Variants in EIF4G3 observed in about 807,000 individuals in gnomAD.
EIF4G3 encodes eIF-4-gamma 3.
Under a neutral mutation model 186.4 loss-of-function variants are expected in EIF4G3, and 34 were observed. The ratio of observed to expected loss-of-function variants is 0.18; its 90% CI spans 0.14 to 0.24. The LOEUF (loss-of-function observed/expected upper bound fraction) is 0.24, where lower values mean the gene tolerates loss of function less well. EIF4G3 is among the 10% of genes least tolerant of loss of function. The pLI, the probability that EIF4G3 is intolerant of heterozygous loss-of-function variation, is 1.00. For synonymous variants in EIF4G3, 673 were observed against 679.5 expected (o/e 0.99, Z 0.15); for missense variants, 1,536 against 1,948.5 (o/e 0.79, Z 3.99).
intron 2 of EIF4G3, chr1:21,174,756 G>T (rs2098067648): frequency 6.6e-6 from 1 of 152,038 alleles, no homozygotes; most frequent in Non-Finnish European, 1.5e-5. Flanking sequence ...CTTTCTCATC[G>T]GTGAACAATT....
intron 3 of EIF4G3, among the ~76,000 whole-genome samples, chr1:21,083,394 T>C (rs1000676898): frequency 6.6e-6 from 1 of 152,002 alleles, no homozygotes; most frequent in African/African-American, 2.4e-5. Context: ...CCCAGGCTGG[T>C]CTCAAGTTCC....
intron 4 of EIF4G3, among the ~76,000 whole-genome samples, chr1:21,022,094 A>C (rs767431690): frequency 3.3e-5 from 5 of 152,212 alleles, no homozygotes; most frequent in East Asian, 1.9e-4. Context: ...CCGAAAATGC[A>C]TATCTGTCCA....
At chr1:20,860,626 G>A (rs2076117593) in intron 23 of EIF4G3, 109 bp from the exon 24 acceptor site, 2 of 1,218,838 alleles carry the variant, frequency 1.6e-6, no homozygotes, top group South Asian at 3.0e-5. Flanking sequence ...TACAAAAGCT[G>A]TATTATGGCA....
At chr1:20,907,497 C>T (rs1029162936) in intron 14 of EIF4G3, among the ~76,000 whole-genome samples, 27 of 151,466 alleles carry the variant, frequency 1.8e-4, no homozygotes, top group African/African-American at 6.6e-4. Flanking sequence ...CCCATTAACT[C>T]GTCATTTAGC....
intron 14 of EIF4G3, among the ~76,000 whole-genome samples, chr1:20,908,415 C>A (rs1047807739): frequency 2.6e-5 from 4 of 152,032 alleles, no homozygotes; most frequent in African/African-American, 9.7e-5. Context: ...AATCATTGGG[C>A]TTTAGGGAGA....
In EIF4G3 at chr1:21,002,725, T is replaced by C. The variant is rs2083869665; in HGVS notation, c.18A>G (p.Gln6=). The stretch of plus-strand genomic sequence containing the variant: ...TCTGCTTACTTACCGGAGAACGGGT[T>C]TGAGGTTGTGAATTCATTGTCTGAG... MNSQP[Q]TRSPPSRTVP... Residue 6 remains glutamine, a synonymous_variant, in exon 5 of 37, where the codon CAA becomes CAG. Transcript: ENST00000602326. The C allele has an allele frequency of 6.2e-6, 10 of 1,613,568 alleles. No homozygotes were observed. The highest frequency in any genetic ancestry group is 2.2e-5 in the East Asian group (1 of 44,840).
Position 21,089,203 on chromosome 1 carries a change from C to T in EIF4G3, c.-261G>A, listed in dbSNP as rs768975773. The T allele has an allele frequency of 8.4e-6, 6 of 717,334 alleles. No homozygotes were observed. Among genetic ancestry groups the T allele is most frequent in the South Asian group, 7.4e-5 (5 of 67,592 alleles). The allele number at this position is 717,334 out of a possible 1,614,324, so 44.4% of individuals were successfully genotyped here. A position where few individuals can be genotyped will look rare whatever the true frequency, so the allele number is the denominator to read the frequency against. On this transcript the variant is annotated 5_prime_UTR_variant, in exon 3 of 37. Transcript: ENST00000602326. The stretch of plus-strand genomic sequence containing the variant: ...TCCTCAAGAGGTTGTTGCACAGGTC[C>T]TCTAGGAATTCTAGAAGAGCGAGTT...
At chr1:20,876,585 TCA>T (rs1242787481) in intron 20 of EIF4G3, among the ~76,000 whole-genome samples, 1 of 152,106 alleles carries the variant, frequency 6.6e-6, no homozygotes, top group East Asian at 1.9e-4. Context: ...TCAAAACCAT[TCA>T]CAGTGACCAT....
At chr1:21,050,564 CA>C (rs1206753228) in intron 4 of EIF4G3, among the ~76,000 whole-genome samples, 1 of 152,188 alleles carries the variant, frequency 6.6e-6, no homozygotes, top group Admixed American at 6.5e-5. Flanking sequence ...CATCGAAAAG[CA>C]AATCAGTGCT....
chr1:20,950,239 G>A, intron 12 of EIF4G3, 128 bp from the exon 13 acceptor site: 2 of 541,848 alleles, frequency 3.7e-6, no homozygotes, highest in Non-Finnish European at 6.1e-6. Context: ...GGAAAGCAAG[G>A]AAAAAATATA....
chr1:20,847,798 G>A (rs1203579332), intron 29 of EIF4G3: 1 of 471,640 alleles, frequency 2.1e-6, no homozygotes, highest in South Asian at 1.5e-5. Flanking sequence ...TTTCTGCAAA[G>A]CACTCACCTC....
At chr1:21,018,135 A>C (rs1342168502) in intron 4 of EIF4G3, among the ~76,000 whole-genome samples, 2 of 152,050 alleles carry the variant, frequency 1.3e-5, no homozygotes, top group Non-Finnish European at 2.9e-5. Context: ...TTATAGAGAC[A>C]CATTCTTGCT....
chr1:21,161,708 G>C (rs1013866582), intron 2 of EIF4G3: 2 of 150,338 alleles, frequency 1.3e-5, no homozygotes, highest in African/African-American at 4.9e-5. Flanking sequence ...TCATGCGCCA[G>C]TGTAATCCCA....
intron 33 of EIF4G3, among the ~76,000 whole-genome samples, 185 bp downstream of exon 33, chr1:20,824,915 A>G (rs1379151499): frequency 6.6e-6 from 1 of 152,096 alleles, no homozygotes; most frequent in Non-Finnish European, 1.5e-5. Flanking sequence ...CTTTTTTTAA[A>G]TATCAATCAT....
intron 4 of EIF4G3, among the ~76,000 whole-genome samples, chr1:21,022,052 G>T (rs1030809304): frequency 4.6e-5 from 7 of 152,002 alleles, no homozygotes; most frequent in African/African-American, 1.7e-4. Context: ...GAAAATTTTG[G>T]TGCAAAAATA....
At chr1:21,133,555 T>C (rs1257804700) in intron 2 of EIF4G3, among the ~76,000 whole-genome samples, 2 of 152,190 alleles carry the variant, frequency 1.3e-5, no homozygotes, top group Non-Finnish European at 2.9e-5. Flanking sequence ...CTGTTGTCTA[T>C]GCTATTGGTT....
intron 18 of EIF4G3, among the ~76,000 whole-genome samples, chr1:20,887,683 C>T (rs549204551): frequency 1.3e-5 from 2 of 149,976 alleles, no homozygotes; most frequent in Non-Finnish European, 3.0e-5. Flanking sequence ...CAGATAAACC[C>T]AGAGGTATGA....
intron 3 of EIF4G3, among the ~76,000 whole-genome samples, chr1:21,065,431 G>A (rs547824064): frequency 1.3e-5 from 2 of 151,632 alleles, no homozygotes; most frequent in South Asian, 4.2e-4. Flanking sequence ...GCATGGTGGT[G>A]TGCACTTGTA....
At chr1:20,812,689 G>A (rs983588195) in intron 35 of EIF4G3, among the ~76,000 whole-genome samples, 3 of 152,118 alleles carry the variant, frequency 2.0e-5, no homozygotes, top group Non-Finnish European at 4.4e-5. Flanking sequence ...CAATAAAATT[G>A]TCTTATCATA....
Sources: allele counts gnomAD v4.1 joint callset (sites outside exome capture counted in the v4.1 genomes callset), GRCh38; gene constraint gnomAD v4.1.1; transcripts MANE v1.5; gene names NCBI Gene and HGNC (gene_info 2026-07-23, HGNC 2026-07-21).